Variants in KIRREL3 observed in about 807,000 individuals in gnomAD.
The protein encoded by KIRREL3 is kin of IRRE-like protein 3.
KIRREL3 carries 36 observed loss-of-function variants against 89.7 expected under a neutral mutation model. The observed-to-expected ratio is 0.40, with a 90% CI of 0.31 to 0.53. KIRREL3 has a LOEUF of 0.53. Ranked by LOEUF, KIRREL3 falls within the 20% of genes least tolerant of loss-of-function variation. The pLI is 0.49. For missense variants in KIRREL3, 864 were observed against 1,056.6 expected (o/e 0.82, Z 2.53); for synonymous variants, 445 against 441.4 (o/e 1.01, Z -0.10).
chr11:126,722,346 A>AT (rs1427208836), intron 1 of KIRREL3, among the ~76,000 whole-genome samples: 2 of 151,990 alleles, frequency 1.3e-5, no homozygotes, highest in East Asian at 3.9e-4. Context: ...CCTTTTGGGG[A>AT]TTTTTTTCCC....
At chr11:126,957,034 A>G in intron 1 of KIRREL3, among the ~76,000 whole-genome samples, 1 of 152,210 alleles carries the variant, frequency 6.6e-6, no homozygotes, top group Non-Finnish European at 1.5e-5. Flanking sequence ...GTCTTCATAC[A>G]GGAGACACAT....
chr11:126,984,013 A>T (rs1949786135), intron 1 of KIRREL3, among the ~76,000 whole-genome samples: 1 of 152,144 alleles, frequency 6.6e-6, no homozygotes. Context: ...TTATGGTATT[A>T]GAGGTTAATT....
rs990807970 is a variant in KIRREL3, at chr11:126,940,002, C to T, written c.55+60453G>A. ...TCTGACTTTTCACCACCTCCTCTAT[C>T]CTACTCTACCAACCTTCAGACTCTT... On this transcript the variant is annotated intron_variant, in intron 1 of 16. Transcript: ENST00000525144. The surrounding 1 kb of genome is among the most constrained non-coding windows in gnomAD (Gnocchi z 4.6). Among the ~76,000 whole-genome samples the T allele has an allele frequency of 1.3e-5, 2 of 152,142 alleles. No individual in the cohort carries two copies. Among genetic ancestry groups the T allele is most frequent in the African/African-American group, 4.8e-5 (2 of 41,434 alleles).
intron 1 of KIRREL3, among the ~76,000 whole-genome samples, chr11:126,938,315 C>T (rs1399037244): frequency 6.6e-6 from 1 of 152,194 alleles, no homozygotes; most frequent in Non-Finnish European, 1.5e-5. Flanking sequence ...CTATTGGGTT[C>T]CAAGTGGTGT....
At position 126,635,238 on chromosome 11, in the gene KIRREL3, C is replaced by T. The variant is rs1944216792; in HGVS notation, c.56-72326G>A. 6.6e-6 allele frequency among the ~76,000 whole-genome samples: 1 copy of T among 152,226 alleles called. No individual in the cohort carries two copies. The highest frequency in any genetic ancestry group is 6.5e-5 in the Admixed American group (1 of 15,284). ...TGCTTACTGCAGAGAGGCTTCCCTT[C>T]TAAATCCACTCATGGGGGGTGCCAG... On this transcript the variant is annotated intron_variant, in intron 1 of 16. Transcript: ENST00000525144. This position sits in a 1 kb window ranked among gnomAD's most constrained non-coding sequence, Gnocchi z 4.0.
chr11:126,480,407 T>A (rs1957184785), intron 4 of KIRREL3, among the ~76,000 whole-genome samples: 2 of 152,228 alleles, frequency 1.3e-5, no homozygotes, highest in Non-Finnish European at 2.9e-5. Flanking sequence ...TCTCATTTTA[T>A]TCTCAATATC....
In KIRREL3 at chr11:126,522,041, G is replaced by A. The variant is rs1258609338; in HGVS notation, c.284-577C>T. The stretch of plus-strand genomic sequence containing the variant: ...TTATAGGCATGAGCCACCATGCCCG[G>A]CCATGTAAGGGTCTTGTTGGTTTCA... On this transcript the variant is annotated intron_variant, in intron 3 of 16. Transcript: ENST00000525144. The surrounding 1 kb of genome is among the most constrained non-coding windows in gnomAD (Gnocchi z 6.0). Among the ~76,000 whole-genome samples the A allele has an allele frequency of 6.6e-6, 1 of 152,138 alleles. No homozygotes were observed. The highest frequency in any genetic ancestry group is 1.5e-5 in the Non-Finnish European group (1 of 68,034).
In KIRREL3 at chr11:126,815,422, G is replaced by A. The variant is rs189234099; in HGVS notation, c.55+185033C>T. 1.0e-3 allele frequency among the ~76,000 whole-genome samples: 152 copies of A among 152,330 alleles called. No homozygotes were observed. In the Middle Eastern group the frequency reaches 0.01, roughly 10 times the overall value. On this transcript the variant is annotated intron_variant, in intron 1 of 16. Coordinates refer to ENST00000525144, the MANE Select transcript of KIRREL3 (RefSeq NM_032531.4). Reference sequence around the variant, plus strand: ...CTCATCTTATTTCTCTGTAACACGGGGAAGGATAGCCGCTATTTTGTGAGG... The same window carrying A: ...CTCATCTTATTTCTCTGTAACACGGAGAAGGATAGCCGCTATTTTGTGAGG...
At chr11:126,829,576 G>C (rs1442981317) in intron 1 of KIRREL3, among the ~76,000 whole-genome samples, 1 of 152,096 alleles carries the variant, frequency 6.6e-6, no homozygotes, top group East Asian at 1.9e-4. Flanking sequence ...TTGTCTTACA[G>C]ATGGACCCTT....
Position 126,773,198 on chromosome 11 carries a change from T to A in KIRREL3, c.56-210286A>T, listed in dbSNP as rs1171558036. Among the ~76,000 whole-genome samples, 1 of 152,244 alleles carries A rather than the reference T, an allele frequency of 6.6e-6. No homozygotes were observed. The highest frequency in any genetic ancestry group is 6.5e-5 in the Admixed American group (1 of 15,286). The stretch of plus-strand genomic sequence containing the variant: ...ACTTTGCTGGGACATGGTGCCCAGA[T>A]GTTTTGTCAAACATTCTGGATGTTT... On this transcript the variant is annotated intron_variant, in intron 1 of 16. Transcript: ENST00000525144. This position sits in a 1 kb window ranked among gnomAD's most constrained non-coding sequence, Gnocchi z 4.2.
chr11:126,702,705 C>G (rs1049826412), intron 1 of KIRREL3, among the ~76,000 whole-genome samples: 1 of 152,240 alleles, frequency 6.6e-6, no homozygotes, highest in Admixed American at 6.5e-5. Flanking sequence ...CGGACAGGGC[C>G]CTCTCTGCCC....
Position 126,537,975 on chromosome 11 carries a change from T to C in KIRREL3, c.134-11288A>G, listed in dbSNP as rs1330308464. ...GCTGCATGGGTGGTGCAGGAGACAG[T>C]GGGTGAGCCCTCCCATTGGCTCTGC... On this transcript the variant is annotated intron_variant, in intron 2 of 16. Coordinates refer to ENST00000525144, the MANE Select transcript of KIRREL3 (RefSeq NM_032531.4). The surrounding 1 kb of genome is among the most constrained non-coding windows in gnomAD (Gnocchi z 4.3). 6.6e-6 allele frequency among the ~76,000 whole-genome samples: 1 copy of C among 151,778 alleles called. No individual in the cohort carries two copies. Among genetic ancestry groups the C allele is most frequent in the African/African-American group, 2.4e-5 (1 of 41,274 alleles).
intron 1 of KIRREL3, among the ~76,000 whole-genome samples, chr11:126,629,958 A>G (rs1943948638): frequency 6.6e-6 from 1 of 152,070 alleles, no homozygotes; most frequent in African/African-American, 2.4e-5. Context: ...CAGATTCCCC[A>G]ATTTCTGTGT....
At chr11:126,816,555 C>T (rs1434210738) in intron 1 of KIRREL3, among the ~76,000 whole-genome samples, 1 of 152,174 alleles carries the variant, frequency 6.6e-6, no homozygotes, top group East Asian at 1.9e-4. Context: ...AAAGTCCTGG[C>T]TATGTTTCCA....
rs976201201 is a variant in KIRREL3, at chr11:126,985,137, T to C, written c.55+15318A>G. 1.7e-4 allele frequency among the ~76,000 whole-genome samples: 26 copies of C among 152,174 alleles called. No homozygotes were observed. Among genetic ancestry groups the C allele is most frequent in the African/African-American group, 6.3e-4 (26 of 41,444 alleles). ...AGGAGGACTCGGTGCTCATAGGTAC[T>C]CGAGTTGTACAAGGCAATAATAATG... On this transcript the variant is annotated intron_variant, in intron 1 of 16. Coordinates refer to ENST00000525144, the MANE Select transcript of KIRREL3 (RefSeq NM_032531.4). The surrounding 1 kb of genome is among the most constrained non-coding windows in gnomAD (Gnocchi z 5.3).
intron 4 of KIRREL3, among the ~76,000 whole-genome samples, chr11:126,517,468 G>T (rs1407283753): frequency 6.6e-6 from 1 of 152,106 alleles, no homozygotes; most frequent in Non-Finnish European, 1.5e-5. Context: ...AGAGGGCTAG[G>T]TCTATGTGGA....
At chr11:126,695,214 TTTGGGGTTCTCTTATCTGTGTGATCAG>T (rs1253094001) in intron 1 of KIRREL3, among the ~76,000 whole-genome samples, 5 of 152,142 alleles carry the variant, frequency 3.3e-5, no homozygotes, top group Admixed American at 2.6e-4. Flanking sequence ...TCATTGGTAT[TTTGGGGTTCTCTTATCTGTGTGATCAG>T]AAGGTCTGAG....
At chr11:126,542,111 T>C (rs625496) in intron 2 of KIRREL3, among the ~76,000 whole-genome samples, 92,601 of 152,144 alleles carry the variant, frequency 0.61, 28,813 homozygotes, top group East Asian at 0.94. Context: ...CACGTGGCTA[T>C]ATCCCACTGA....
intron 1 of KIRREL3, among the ~76,000 whole-genome samples, chr11:126,881,826 A>G (rs926883982): frequency 6.6e-6 from 1 of 152,110 alleles, no homozygotes; most frequent in African/African-American, 2.4e-5. Flanking sequence ...GGGATTATAG[A>G]TGTGAGCCAC....
Sources: gnomAD v4.1 joint callset for allele counts (sites outside exome capture counted in the v4.1 genomes callset) on GRCh38, gnomAD v4.1.1 for gene constraint, Gnocchi (gnomAD v3.1) non-coding constraint, MANE v1.5 for transcripts, NCBI Gene and HGNC (gene_info 2026-07-23, HGNC 2026-07-21) for gene names.